Variants in EPHA5 observed in about 807,000 individuals in gnomAD.
The protein encoded by EPHA5 is ephrin type-A receptor 5.
A neutral mutation model predicts 105.0 loss-of-function variants in EPHA5; 60 were observed. The observed-to-expected ratio is 0.57, with a 90% CI of 0.46 to 0.71. EPHA5 has a LOEUF of 0.71. EPHA5 is among the 30% of genes least tolerant of loss of function. The probability of loss-of-function intolerance (pLI) is 0.00; values close to 1 mark genes in which losing one functional copy is unlikely to be tolerated. For synonymous variants in EPHA5, 513 were observed against 449.1 expected (o/e 1.14, Z -1.80); for missense variants, 1,218 against 1,274.7 (o/e 0.96, Z 0.68).
chr4:65,654,552 C>T (rs1218089745), intron 1 of EPHA5, among the ~76,000 whole-genome samples: 1 of 151,358 alleles, frequency 6.6e-6, no homozygotes, highest in South Asian at 2.1e-4. Flanking sequence ...AGAATAGAAA[C>T]TCCTTTGAAT....
At chr4:65,525,909 T>G (rs2149290391) in intron 3 of EPHA5, among the ~76,000 whole-genome samples, 1 of 152,006 alleles carries the variant, frequency 6.6e-6, no homozygotes, top group South Asian at 2.1e-4. Flanking sequence ...GGTCGCTGTC[T>G]CAGGCGCTGA....
intron 5 of EPHA5, among the ~76,000 whole-genome samples, chr4:65,461,087 A>G (rs1728078945): frequency 6.6e-6 from 1 of 151,880 alleles, no homozygotes; most frequent in African/African-American, 2.4e-5. Flanking sequence ...ATAATTACAT[A>G]CCATAACACT....
At chr4:65,554,614 A>C (rs1169340284) in intron 3 of EPHA5, among the ~76,000 whole-genome samples, 1 of 151,772 alleles carries the variant, frequency 6.6e-6, no homozygotes, top group East Asian at 1.9e-4. Context: ...AACTTTTTCT[A>C]GGTAATACTA....
At chr4:65,327,847 A>G (rs1333786796) in intron 16 of EPHA5, among the ~76,000 whole-genome samples, 2 of 151,188 alleles carry the variant, frequency 1.3e-5, no homozygotes, top group Non-Finnish European at 3.0e-5. Flanking sequence ...TAAGTAGTTT[A>G]GTCTCACATT....
chr4:65,328,909 A>G (rs963124597), intron 16 of EPHA5, among the ~76,000 whole-genome samples: 1 of 151,176 alleles, frequency 6.6e-6, no homozygotes, highest in African/African-American at 2.4e-5. Context: ...TTGCCTCTGG[A>G]TTTTGAAAAC....
chr4:65,585,689 T>C (rs1742054383), intron 3 of EPHA5, among the ~76,000 whole-genome samples: 1 of 151,850 alleles, frequency 6.6e-6, no homozygotes, highest in Admixed American at 6.6e-5. Flanking sequence ...ACAGTTACAT[T>C]TAGCTGTGTA....
At chr4:65,364,448 A>G (rs1007826348) in intron 11 of EPHA5, among the ~76,000 whole-genome samples, 1 of 151,820 alleles carries the variant, frequency 6.6e-6, no homozygotes, top group African/African-American at 2.4e-5. Context: ...ATTAAAAGAG[A>G]TGTAAAATTC....
At chr4:65,428,811 A>G (rs1434075511) in intron 5 of EPHA5, among the ~76,000 whole-genome samples, 1 of 152,076 alleles carries the variant, frequency 6.6e-6, no homozygotes, top group Non-Finnish European at 1.5e-5. Context: ...TACACTTTAA[A>G]TATTGTTTTG....
chr4:65,520,047 C>CA (rs1553931342), intron 3 of EPHA5, among the ~76,000 whole-genome samples: 2 of 151,950 alleles, frequency 1.3e-5, no homozygotes, highest in Non-Finnish European at 2.9e-5. Flanking sequence ...CATATGGAAC[C>CA]AAAAAAGAGC....
intron 3 of EPHA5, among the ~76,000 whole-genome samples, chr4:65,540,303 G>C (rs1208855238): frequency 6.6e-6 from 1 of 151,488 alleles, no homozygotes; most frequent in Non-Finnish European, 1.5e-5. Context: ...GAATCAAGTT[G>C]TCTTTTGTAT....
At chr4:65,588,146 G>A (rs1011580161) in intron 3 of EPHA5, among the ~76,000 whole-genome samples, 7 of 152,124 alleles carry the variant, frequency 4.6e-5, no homozygotes, top group African/African-American at 1.7e-4. Flanking sequence ...CTTGCAGGAT[G>A]TTGTCAAGCT....
chr4:65,586,324 A>G (rs1258866962), intron 3 of EPHA5, among the ~76,000 whole-genome samples: 2 of 151,806 alleles, frequency 1.3e-5, no homozygotes, highest in African/African-American at 4.8e-5. Flanking sequence ...TTCAAGTTAT[A>G]TAATAATTAG....
At chr4:65,358,028 A>G (rs1469206517) in intron 11 of EPHA5, among the ~76,000 whole-genome samples, 4 of 151,380 alleles carry the variant, frequency 2.6e-5, no homozygotes, top group South Asian at 4.1e-4. Flanking sequence ...TCAGAATATG[A>G]TATCTGACAA....
chr4:65,596,846 A>T (rs1015225106), intron 3 of EPHA5, among the ~76,000 whole-genome samples: 10 of 152,258 alleles, frequency 6.6e-5, no homozygotes, highest in Non-Finnish European at 1.3e-4. Flanking sequence ...AACCCCTTTG[A>T]TGTTTTTTGG....
Position 65,499,293 on chromosome 4 carries a change from T to C in EPHA5, c.911-3750A>G, listed in dbSNP as rs1483345636. On this transcript the variant is annotated intron_variant, in intron 3 of 16. Coordinates refer to ENST00000613740, the MANE Select transcript of EPHA5 (RefSeq NM_001281766.3). Reference sequence around the variant, plus strand: ...TCAAATAAAATTATCTGTATTTGAATTAGGAACCCCCACTCTGCTCTCTGA... The same window carrying C: ...TCAAATAAAATTATCTGTATTTGAACTAGGAACCCCCACTCTGCTCTCTGA... 2.0e-5 allele frequency among the ~76,000 whole-genome samples: 3 copies of C among 151,656 alleles called. No individual in the cohort carries two copies. The East Asian group carries it at 5.8e-4, about 29-fold the overall frequency.
chr4:65,437,596 G>A (rs895124226), intron 5 of EPHA5, among the ~76,000 whole-genome samples: 4 of 151,876 alleles, frequency 2.6e-5, no homozygotes, highest in African/African-American at 9.7e-5. Context: ...CTGATGCAAA[G>A]TTACCAATTA....
chr4:65,404,347 C>T (rs370079998), intron 8 of EPHA5, 27 bp downstream of exon 8: 200 of 1,593,944 alleles, frequency 1.3e-4, no homozygotes, highest in African/African-American at 5.4e-5. Flanking sequence ...AGCTGCAGAA[C>T]TTCAGAATCA....
At chr4:65,632,423 G>A (rs1432559444) in intron 2 of EPHA5, among the ~76,000 whole-genome samples, 2 of 150,996 alleles carry the variant, frequency 1.3e-5, no homozygotes, top group African/African-American at 4.9e-5. Context: ...CATAAGCACT[G>A]TTGGTAAAAA....
rs1341935943 is a variant in EPHA5 at position 65,388,250 on chromosome 4, C to A, written c.1793+16124G>T. 2.6e-5 allele frequency among the ~76,000 whole-genome samples: 4 copies of A among 150,968 alleles called. No homozygotes were observed. In the East Asian group the frequency reaches 7.9e-4, roughly 30 times the overall value. Reference sequence around the variant, plus strand: ...CATTTGGGTTGGTTCCAAGTCTTTGCTATTGTGAATAGTGCCACAATAAAC... The same window carrying A: ...CATTTGGGTTGGTTCCAAGTCTTTGATATTGTGAATAGTGCCACAATAAAC... On this transcript the variant is annotated intron_variant, in intron 8 of 16. Transcript: ENST00000613740.
Sources: gnomAD v4.1 joint callset for allele counts (sites outside exome capture counted in the v4.1 genomes callset) on GRCh38, gnomAD v4.1.1 for gene constraint, MANE v1.5 for transcripts, NCBI Gene and HGNC (gene_info 2026-07-23, HGNC 2026-07-21) for gene names.